Variants in OSBP2 observed in about 807,000 individuals in gnomAD.
The protein encoded by OSBP2 is oxysterol-binding protein 2.
Under a neutral mutation model 96.0 loss-of-function variants are expected in OSBP2, and 66 were observed. The ratio of observed to expected loss-of-function variants is 0.69; its 90% CI spans 0.56 to 0.84. OSBP2 has a LOEUF of 0.84. Among genes scored for constraint, OSBP2 ranks in the 40% least tolerant of loss-of-function variants. OSBP2 has a pLI of 0.00. For synonymous variants in OSBP2, 525 were observed against 520.9 expected, an observed-to-expected ratio of 1.01 and a Z score of -0.11; for missense variants, 1,038 against 1,222.7, an observed-to-expected ratio of 0.85 and a Z score of 2.25.
chr22:30,816,044 A>G (rs536785570), intron 2 of OSBP2, among the ~76,000 whole-genome samples: 1 of 152,318 alleles, frequency 6.6e-6, no homozygotes, highest in African/African-American at 2.4e-5. Flanking sequence ...TGGAACAAGC[A>G]TACCAGTGTC....
At chr22:30,763,572 G>A (rs1164503329) in intron 2 of OSBP2, among the ~76,000 whole-genome samples, 1 of 151,742 alleles carries the variant, frequency 6.6e-6, no homozygotes, top group Non-Finnish European at 1.5e-5. Flanking sequence ...CTTGAACCCA[G>A]GAGGTGGAGG....
At chr22:30,897,636 G>A (rs2147177825) in intron 12 of OSBP2, among the ~76,000 whole-genome samples, 1 of 152,294 alleles carries the variant, frequency 6.6e-6, no homozygotes, top group Non-Finnish European at 1.5e-5. Flanking sequence ...ATGTAGAACT[G>A]AATGATATAA....
intron 2 of OSBP2, among the ~76,000 whole-genome samples, chr22:30,821,135 A>G (rs1384763214): frequency 1.3e-5 from 2 of 152,332 alleles, no homozygotes; most frequent in East Asian, 1.9e-4. Flanking sequence ...TCTGTAGTCC[A>G]GTGGGAAAGA....
intron 2 of OSBP2, among the ~76,000 whole-genome samples, chr22:30,834,289 A>G (rs1295535760): frequency 1.3e-5 from 2 of 152,202 alleles, no homozygotes; most frequent in Non-Finnish European, 2.9e-5. Flanking sequence ...TAAATCTTCT[A>G]TGAACTTTTC....
In OSBP2 at chr22:30,774,710, G is replaced by T. The variant is rs113301349; in HGVS notation, c.853+33341G>T. On this transcript the variant is annotated intron_variant, in intron 2 of 13. Transcript: ENST00000332585. ...TATCAGTGGGAGAATCCCAATATTT[G>T]GTTTTATAACTGACTCATTAAACTT... Among the ~76,000 whole-genome samples the T allele has an allele frequency of 7.1e-3, 1,085 of 152,198 alleles. 11 individuals are homozygous for T. The highest frequency in any genetic ancestry group is 0.025 in the African/African-American group (1,029 of 41,528).
intron 1 of OSBP2, among the ~76,000 whole-genome samples, chr22:30,701,675 G>A (rs1287764632): frequency 2.6e-5 from 4 of 152,210 alleles, no homozygotes; most frequent in African/African-American, 9.6e-5. Context: ...CTCAAAGGCT[G>A]GAGATGGAAA....
intron 2 of OSBP2, chr22:30,764,197 T>A: frequency 1.0e-6 from 1 of 979,150 alleles, no homozygotes; most frequent in Non-Finnish European, 1.2e-6. Context: ...ATAACTCTAT[T>A]CTGATATCAC....
intron 2 of OSBP2, among the ~76,000 whole-genome samples, chr22:30,856,029 A>G (rs556147072): frequency 6.6e-6 from 1 of 152,174 alleles, no homozygotes; most frequent in African/African-American, 2.4e-5. Flanking sequence ...GGGACCTGGC[A>G]TTGGTTGGGC....
intron 2 of OSBP2, among the ~76,000 whole-genome samples, chr22:30,810,624 AC>A (rs2090992951): frequency 6.6e-6 from 1 of 152,154 alleles, no homozygotes; most frequent in Non-Finnish European, 1.5e-5. Context: ...GAAGACAGGT[AC>A]TATACCTGAG....
Position 30,905,930 on chromosome 22 carries a change from G to T in OSBP2, c.2469G>T (p.Arg823=). 1 of 1,612,880 alleles carries T rather than the reference G, an allele frequency of 6.2e-7. No individual in the cohort carries two copies. The highest frequency in any genetic ancestry group is 8.5e-7 in the Non-Finnish European group (1 of 1,179,598). Reference sequence around the variant, plus strand: ...TAGCGCCAACCGACAGCCGCCTGCGGCCCGACCAGCGGCTGATGGAGAAGG... The same window carrying T: ...TAGCGCCAACCGACAGCCGCCTGCGTCCCGACCAGCGGCTGATGGAGAAGG... ...EGVAPTDSRL[R]PDQRLMEKGR... is the part of the protein sequence containing the mutation. Residue 823 remains arginine (R), a synonymous_variant, in exon 13 of 14, where the codon CGG becomes CGT. Transcript: ENST00000332585.
Position 30,881,619 on chromosome 22 carries a change from G to T in OSBP2, c.1108-5807G>T. Reference sequence around the variant, plus strand: ...GGCCCCTGGGAACCTCCCCCTGCCAGTCCCTCTGCCGGGCCCCAAGCCTAA... The same window carrying T: ...GGCCCCTGGGAACCTCCCCCTGCCATTCCCTCTGCCGGGCCCCAAGCCTAA... On this transcript the variant is annotated intron_variant, in intron 3 of 13. Coordinates refer to ENST00000332585, the MANE Select transcript of OSBP2 (RefSeq NM_030758.4). This position sits in a 1 kb window ranked among gnomAD's most constrained non-coding sequence, Gnocchi z 4.5. 7.8e-7 allele frequency: 1 copy of T among 1,288,788 alleles called. No homozygotes were observed. The highest frequency in any genetic ancestry group is 1.0e-6 in the Non-Finnish European group (1 of 977,554). 79.8% of individuals were successfully genotyped at this position (1,288,788 alleles called of 1,614,324 possible). A position where few individuals can be genotyped will look rare whatever the true frequency, so the allele number is the denominator to read the frequency against.
At chr22:30,822,719 TGCCGG>T (rs1319144029) in intron 2 of OSBP2, 3 of 1,520,414 alleles carry the variant, frequency 2.0e-6, no homozygotes, top group Admixed American at 4.0e-5. Context: ...GGTTAGTGCT[TGCCGG>T]GCTTCCACCC....
intron 2 of OSBP2, among the ~76,000 whole-genome samples, chr22:30,785,300 G>A (rs894841671): frequency 1.1e-4 from 17 of 152,222 alleles, no homozygotes; most frequent in Admixed American, 8.5e-4. Flanking sequence ...CCGGCACAGT[G>A]GCTTATGCCT....
upstream of OSBP2, chr22:30,694,014 C>T: frequency 2.0e-6 from 3 of 1,499,170 alleles, no homozygotes; most frequent in Non-Finnish European, 2.7e-6. Context: ...GATGTTTTAA[C>T]CATTCTGGGG....
chr22:30,892,928 G>A (rs2039980284), intron 8 of OSBP2, among the ~76,000 whole-genome samples, 194 bp from the exon 9 acceptor site: 1 of 152,188 alleles, frequency 6.6e-6, no homozygotes, highest in Non-Finnish European at 1.5e-5. Context: ...GCACCCGGAT[G>A]CTTTTCTGCT....
chr22:30,836,360 G>C (rs1323127165), intron 2 of OSBP2, among the ~76,000 whole-genome samples: 1 of 152,180 alleles, frequency 6.6e-6, no homozygotes, highest in Non-Finnish European at 1.5e-5. Flanking sequence ...AGCCAGGCTT[G>C]TTTGAACTTG....
intron 2 of OSBP2, among the ~76,000 whole-genome samples, chr22:30,791,321 C>CTTTTTTT (rs869143598): frequency 7.8e-5 from 5 of 63,998 alleles, no homozygotes; most frequent in African/African-American, 1.5e-4. Context: ...GGGGATTCTT[C>CTTTTTTT]TTTTTTTTTT....
intron 8 of OSBP2, 32 bp downstream of exon 8, chr22:30,891,005 C>T (rs1427724683): frequency 1.3e-6 from 2 of 1,589,200 alleles, no homozygotes; most frequent in East Asian, 4.5e-5. Context: ...TGGGTGGCGC[C>T]CACCCACACT....
chr22:30,729,497 G>T (rs923661401), intron 1 of OSBP2, among the ~76,000 whole-genome samples: 2 of 152,068 alleles, frequency 1.3e-5, no homozygotes, highest in Non-Finnish European at 2.9e-5. Context: ...CATTAGCTGG[G>T]CATATTGGTG....
Sources: gnomAD v4.1 joint callset for allele counts (sites outside exome capture counted in the v4.1 genomes callset) on GRCh38, gnomAD v4.1.1 for gene constraint, Gnocchi (gnomAD v3.1) non-coding constraint, MANE v1.5 for transcripts, NCBI Gene and HGNC (gene_info 2026-07-23, HGNC 2026-07-21) for gene names.